The following CACNG2 variants were observed in gnomAD, a reference collection of about 807,000 sequenced individuals.
CACNG2 encodes the protein calcium voltage-gated channel auxiliary subunit gamma 2.
In CACNG2, 3 loss-of-function variants were observed where a neutral mutation model predicts 25.9. The observed-to-expected ratio is 0.12, with a 90% CI of 0.05 to 0.30. CACNG2 has a LOEUF of 0.30. CACNG2 is among the 10% of genes least tolerant of loss of function. The pLI, the probability that CACNG2 is intolerant of heterozygous loss-of-function variation, is 1.00. For missense variants in CACNG2, 341 were observed against 432.5 expected (o/e 0.79, Z 1.88); for synonymous variants, 167 against 173.3 (o/e 0.96, Z 0.29).
At chr22:36,630,394 T>A (rs748673111) in intron 1 of CACNG2, among the ~76,000 whole-genome samples, 2 of 152,134 alleles carry the variant, frequency 1.3e-5, no homozygotes, top group Non-Finnish European at 2.9e-5. Flanking sequence ...GAATCAAGGA[T>A]GACTCTCAGG....
intron 1 of CACNG2, among the ~76,000 whole-genome samples, chr22:36,675,654 TG>T (rs1937010789): frequency 6.6e-6 from 1 of 152,216 alleles, no homozygotes; most frequent in Non-Finnish European, 1.5e-5. Context: ...TGGTCTGTCC[TG>T]GCAGTGTCAG....
chr22:36,650,059 C>G (rs1936584128), intron 1 of CACNG2, among the ~76,000 whole-genome samples: 1 of 152,256 alleles, frequency 6.6e-6, no homozygotes, highest in African/African-American at 2.4e-5. Flanking sequence ...TGGACAATGG[C>G]ACTGGCCTCC....
At chr22:36,661,230 C>T (rs1250515574) in intron 1 of CACNG2, among the ~76,000 whole-genome samples, 4 of 152,178 alleles carry the variant, frequency 2.6e-5, no homozygotes, top group Non-Finnish European at 5.9e-5. Context: ...AGGCAGTACC[C>T]GATGGGGTGT....
At chr22:36,632,492 CT>C (rs1282165306) in intron 1 of CACNG2, among the ~76,000 whole-genome samples, 172 of 151,306 alleles carry the variant, frequency 1.1e-3, no homozygotes, top group Non-Finnish European at 2.1e-3. Context: ...CTCTCTCTCT[CT>C]CTCAATCCCT....
At chr22:36,619,246 A>G (rs1367627221) in intron 1 of CACNG2, among the ~76,000 whole-genome samples, 1 of 152,220 alleles carries the variant, frequency 6.6e-6, no homozygotes, top group African/African-American at 2.4e-5. Context: ...TGAGTGGTGT[A>G]GGGATGTATT....
chr22:36,635,944 G>T (rs1181360366), intron 1 of CACNG2, among the ~76,000 whole-genome samples: 1 of 152,102 alleles, frequency 6.6e-6, no homozygotes, highest in South Asian at 2.1e-4. Context: ...TGTCTCTGCT[G>T]CTGCCTTCCT....
intron 1 of CACNG2, among the ~76,000 whole-genome samples, chr22:36,689,804 A>G (rs979807329): frequency 1.3e-5 from 2 of 152,242 alleles, no homozygotes; most frequent in East Asian, 3.9e-4. Flanking sequence ...GGCCACCACA[A>G]CAGGGCATGC....
In CACNG2 at chr22:36,672,876, C is replaced by T. The variant is rs146945473; in HGVS notation, c.211+29490G>A. ...TGGGCTAAGGATGGCATCTGCCTTG[C>T]AGCTGTTTCTATCTCCAGGCACAGG... On this transcript the variant is annotated intron_variant, in intron 1 of 3. Coordinates refer to ENST00000300105, the MANE Select transcript of CACNG2 (RefSeq NM_006078.5). Among the ~76,000 whole-genome samples, 353 of 152,366 alleles carry T rather than the reference C, an allele frequency of 2.3e-3. 1 individual carries two copies. The highest frequency in any genetic ancestry group is 8.1e-3 in the African/African-American group (338 of 41,596).
intron 1 of CACNG2, among the ~76,000 whole-genome samples, chr22:36,605,443 T>C (rs1935816659): frequency 6.6e-6 from 1 of 152,138 alleles, no homozygotes; most frequent in African/African-American, 2.4e-5. Context: ...TGATATCTGG[T>C]GTATTGTGGT....
chr22:36,567,899 G>C (rs1009199299), intron 2 of CACNG2, among the ~76,000 whole-genome samples: 10 of 152,060 alleles, frequency 6.6e-5, no homozygotes, highest in African/African-American at 2.2e-4. Flanking sequence ...ACCCAGGCTG[G>C]AGTGCAGTGG....
At chr22:36,649,069 T>A (rs1936570030) in intron 1 of CACNG2, among the ~76,000 whole-genome samples, 2 of 152,238 alleles carry the variant, frequency 1.3e-5, no homozygotes, top group South Asian at 4.1e-4. Context: ...TTTGCCTTTC[T>A]CATCTAGATT....
intron 1 of CACNG2, among the ~76,000 whole-genome samples, chr22:36,666,982 G>A (rs2145989237): frequency 6.7e-6 from 1 of 150,346 alleles, no homozygotes; most frequent in South Asian, 2.1e-4. Flanking sequence ...CACGCAACAT[G>A]GGATCACCAT....
intron 2 of CACNG2, among the ~76,000 whole-genome samples, chr22:36,573,235 C>G (rs950063338): frequency 4.6e-5 from 7 of 152,162 alleles, no homozygotes; most frequent in Non-Finnish European, 1.0e-4. Flanking sequence ...TTTAGTTCTA[C>G]TTATTGCATT....
intron 1 of CACNG2, among the ~76,000 whole-genome samples, chr22:36,611,716 G>T (rs1443831968): frequency 1.3e-5 from 2 of 152,170 alleles, no homozygotes; most frequent in African/African-American, 4.8e-5. Context: ...ACCAGCCGCG[G>T]GTCTCCAGGC....
intron 1 of CACNG2, among the ~76,000 whole-genome samples, chr22:36,662,659 C>T (rs1936816306): frequency 6.6e-6 from 1 of 152,188 alleles, no homozygotes; most frequent in Admixed American, 6.5e-5. Flanking sequence ...GTAGGTTCTC[C>T]TTTAGCCTGG....
At chr22:36,597,021 T>G (rs1935688417) in intron 1 of CACNG2, among the ~76,000 whole-genome samples, 1 of 151,500 alleles carries the variant, frequency 6.6e-6, no homozygotes, top group South Asian at 2.1e-4. Flanking sequence ...CAGAGTTCCT[T>G]CTTTAGTTGT....
chr22:36,588,308 A>T (rs577811054), intron 1 of CACNG2, among the ~76,000 whole-genome samples: 1 of 152,256 alleles, frequency 6.6e-6, no homozygotes, highest in South Asian at 2.1e-4. Context: ...TTGACTCTAA[A>T]TGTTTCCTCG....
chr22:36,585,617 A>G (rs1470003627), intron 2 of CACNG2, among the ~76,000 whole-genome samples: 2 of 152,182 alleles, frequency 1.3e-5, no homozygotes, highest in Admixed American at 1.3e-4. Context: ...AGTTGGGTAA[A>G]TGGGACAGAG....
At chr22:36,613,034 G>T (rs377055510) in intron 1 of CACNG2, among the ~76,000 whole-genome samples, 4 of 152,200 alleles carry the variant, frequency 2.6e-5, no homozygotes, top group Admixed American at 6.5e-5. Context: ...ACAAGGGGAG[G>T]TTAAATAGGT....
Sources: allele counts gnomAD v4.1 joint callset (sites outside exome capture counted in the v4.1 genomes callset), GRCh38; gene constraint gnomAD v4.1.1; transcripts MANE v1.5; gene names NCBI Gene and HGNC (gene_info 2026-07-23, HGNC 2026-07-21).